Variants in CCDC6 observed in about 807,000 individuals in gnomAD.
CCDC6 encodes coiled-coil domain containing 6.
A neutral mutation model predicts 56.6 loss-of-function variants in CCDC6; 20 were observed. That is an observed-to-expected ratio of 0.35 (90% CI 0.25 to 0.51). CCDC6 has a LOEUF of 0.51. Ranked by LOEUF, CCDC6 falls within the 20% of genes least tolerant of loss-of-function variation. CCDC6 has a pLI of 0.95. For missense variants in CCDC6, 367 were observed against 601.1 expected, an observed-to-expected ratio of 0.61 and a Z score of 4.07; for synonymous variants, 241 against 234.4, an observed-to-expected ratio of 1.03 and a Z score of -0.26.
intron 1 of CCDC6, among the ~76,000 whole-genome samples, chr10:59,886,471 T>C (rs1444678206): frequency 1.3e-5 from 2 of 152,176 alleles, no homozygotes; most frequent in Non-Finnish European, 2.9e-5. Flanking sequence ...AAAGAATATC[T>C]GGCATCGCTA....
At chr10:59,845,742 G>A (rs2070985821) in intron 2 of CCDC6, among the ~76,000 whole-genome samples, 1 of 152,126 alleles carries the variant, frequency 6.6e-6, no homozygotes. Flanking sequence ...TTTTGTGATA[G>A]CAAATTTCTC....
chr10:59,898,165 T>G (rs902005002), intron 1 of CCDC6, among the ~76,000 whole-genome samples: 1 of 152,210 alleles, frequency 6.6e-6, no homozygotes, highest in African/African-American at 2.4e-5. Flanking sequence ...TCCACCATTA[T>G]TCCATGAAAG....
chr10:59,893,806 T>TC (rs1383568656), intron 1 of CCDC6, among the ~76,000 whole-genome samples: 1 of 152,038 alleles, frequency 6.6e-6, no homozygotes, highest in Non-Finnish European at 1.5e-5. Context: ...ACAGCTGTGT[T>TC]AAGGTTATGG....
intron 3 of CCDC6, among the ~76,000 whole-genome samples, chr10:59,824,975 T>C (rs2070776356): frequency 6.6e-6 from 1 of 152,226 alleles, no homozygotes; most frequent in Non-Finnish European, 1.5e-5. Context: ...GTTCTTTGTG[T>C]TTTCAAAATG....
chr10:59,888,504 T>TA (rs5785419), intron 1 of CCDC6, among the ~76,000 whole-genome samples: 95,882 of 152,094 alleles, frequency 0.63, 30,776 homozygotes, highest in East Asian at 0.85. Context: ...GGGCAGCAGG[T>TA]AAAAGGTCTC....
At chr10:59,891,343 A>G (rs1191687581) in intron 1 of CCDC6, among the ~76,000 whole-genome samples, 1 of 152,242 alleles carries the variant, frequency 6.6e-6, no homozygotes, top group Non-Finnish European at 1.5e-5. Flanking sequence ...AAATTCACAC[A>G]GCCTAATAGA....
intron 1 of CCDC6, among the ~76,000 whole-genome samples, chr10:59,894,796 A>C (rs2071449828): frequency 6.6e-6 from 1 of 152,168 alleles, no homozygotes; most frequent in African/African-American, 2.4e-5. Flanking sequence ...CAACTGAGCC[A>C]GGAAGGGGAG....
At chr10:59,902,619 G>A (rs768012771) in intron 1 of CCDC6, among the ~76,000 whole-genome samples, 2 of 151,882 alleles carry the variant, frequency 1.3e-5, no homozygotes, top group Non-Finnish European at 2.9e-5. Flanking sequence ...GGCTGGTCTC[G>A]AACTCTTGAC....
chr10:59,800,531 ATT>A (rs1451803772), intron 7 of CCDC6, among the ~76,000 whole-genome samples: 1 of 152,030 alleles, frequency 6.6e-6, no homozygotes, highest in African/African-American at 2.4e-5. Flanking sequence ...ACATACTGCC[ATT>A]TGTTTAACTA....
chr10:59,847,706 T>C (rs1387182932), intron 2 of CCDC6, among the ~76,000 whole-genome samples: 1 of 152,142 alleles, frequency 6.6e-6, no homozygotes, highest in Non-Finnish European at 1.5e-5. Flanking sequence ...AAAAGTATCA[T>C]GTTGCTGTTT....
intron 2 of CCDC6, among the ~76,000 whole-genome samples, chr10:59,846,190 A>T (rs2070989866): frequency 6.6e-6 from 1 of 152,204 alleles, no homozygotes; most frequent in Non-Finnish European, 1.5e-5. Context: ...GAATCCAGTA[A>T]AATGGTATTA....
chr10:59,876,609 A>G (rs2071283823), intron 1 of CCDC6, among the ~76,000 whole-genome samples: 1 of 141,764 alleles, frequency 7.1e-6, no homozygotes, highest in Non-Finnish European at 1.5e-5. Context: ...AAAAAAAAAA[A>G]GCTATCCAAA....
Position 59,788,849 on chromosome 10 carries a change from T to G in CCDC6, c.*4068A>C, listed in dbSNP as rs2070442081. ...CAACATAAAGGAGTAAATAAGACAT[T>G]AATTGAAAGTCTTACATCTCTCTAA... On this transcript the variant is annotated 3_prime_UTR_variant, in exon 9 of 9. Transcript: ENST00000263102. 1 of 201,612 alleles carries G rather than the reference T, an allele frequency of 5.0e-6. No individual in the cohort carries two copies. The highest frequency in any genetic ancestry group is 1.0e-5 in the Non-Finnish European group (1 of 97,970). 12.5% of individuals were successfully genotyped at this position (201,612 alleles called of 1,614,324 possible).
At position 59,788,957 on chromosome 10, in the gene CCDC6, T is replaced by C. The variant is rs1286831421; in HGVS notation, c.*3960A>G. ...TGTAGACAAGCTATCATGAACAACATACAGTGTGCACAGATATGCAGAGGC... is the reference window on the plus strand; with the variant it reads ...TGTAGACAAGCTATCATGAACAACACACAGTGTGCACAGATATGCAGAGGC... On this transcript the variant is annotated 3_prime_UTR_variant, in exon 9 of 9. Coordinates refer to ENST00000263102, the MANE Select transcript of CCDC6 (RefSeq NM_005436.5). 4.6e-6 allele frequency: 1 copy of C among 215,534 alleles called. No individual in the cohort carries two copies. Among genetic ancestry groups the C allele is most frequent in the Non-Finnish European group, 9.4e-6 (1 of 106,938 alleles). The allele number at this position is 215,534 out of a possible 1,614,324, so 13.4% of individuals were successfully genotyped here.
At chr10:59,795,306 G>C (rs2132620267) in intron 7 of CCDC6, among the ~76,000 whole-genome samples, 1 of 151,964 alleles carries the variant, frequency 6.6e-6, no homozygotes, top group African/African-American at 2.4e-5. Context: ...AATGCACAGA[G>C]AACTTGAATA....
intron 3 of CCDC6, among the ~76,000 whole-genome samples, chr10:59,821,188 A>G (rs2070747102): frequency 6.6e-6 from 1 of 152,192 alleles, no homozygotes; most frequent in Admixed American, 6.5e-5. Flanking sequence ...TTTCCCATAC[A>G]CCTGAGTTAA....
intron 3 of CCDC6, among the ~76,000 whole-genome samples, chr10:59,826,367 T>C (rs2070787712): frequency 1.3e-5 from 2 of 152,320 alleles, no homozygotes; most frequent in South Asian, 2.1e-4. Flanking sequence ...CCATCTCTGC[T>C]TCCCTGCAAC....
intron 1 of CCDC6, among the ~76,000 whole-genome samples, chr10:59,865,487 C>A (rs2071169101): frequency 6.6e-6 from 1 of 152,110 alleles, no homozygotes; most frequent in Non-Finnish European, 1.5e-5. Context: ...AAATAAAAAT[C>A]CAAACAAAGA....
intron 7 of CCDC6, among the ~76,000 whole-genome samples, chr10:59,799,537 T>C (rs2070555313): frequency 6.6e-6 from 1 of 152,236 alleles, no homozygotes; most frequent in East Asian, 1.9e-4. Context: ...AAAGTTCTGC[T>C]TGCCTTATCC....
Sources: allele counts gnomAD v4.1 joint callset (sites outside exome capture counted in the v4.1 genomes callset), GRCh38; gene constraint gnomAD v4.1.1; transcripts MANE v1.5; gene names NCBI Gene and HGNC (gene_info 2026-07-23, HGNC 2026-07-21).